The following ADGRL4 variants were observed in gnomAD, a reference collection of about 807,000 sequenced individuals.
ADGRL4 encodes the protein EGF, latrophilin and seven transmembrane domain containing 1.
A neutral mutation model predicts 74.8 loss-of-function variants in ADGRL4; 90 were observed. The observed-to-expected ratio is 1.20, with a 90% CI of 1.02 to 1.43. The LOEUF is 1.43. Among genes scored for constraint, ADGRL4 ranks in the 40% most tolerant of loss-of-function variants. The pLI, the probability that ADGRL4 is intolerant of heterozygous loss-of-function variation, is 0.00. For synonymous variants in ADGRL4, 311 were observed against 279.2 expected (o/e 1.11, Z -1.14); for missense variants, 881 against 814.3 (o/e 1.08, Z -1.00).
chr1:78,968,314 G>A, intron 2 of ADGRL4, among the ~76,000 whole-genome samples: 1 of 152,026 alleles, frequency 6.6e-6, no homozygotes, highest in Admixed American at 6.6e-5. Context: ...AAGGCCAGAG[G>A]GTTTGCATAA....
chr1:78,936,596 T>C (rs1442051982), intron 6 of ADGRL4, among the ~76,000 whole-genome samples, 185 bp from the exon 7 acceptor site: 1 of 152,172 alleles, frequency 6.6e-6, no homozygotes, highest in African/African-American at 2.4e-5. Context: ...GACTCAAGTT[T>C]TAATTTTTTA....
chr1:78,953,904 G>A (rs1018837491), intron 2 of ADGRL4, among the ~76,000 whole-genome samples: 3 of 152,166 alleles, frequency 2.0e-5, no homozygotes, highest in Admixed American at 6.5e-5. Context: ...ATCCCTGCAC[G>A]TTGGGAGGCC....
At chr1:78,976,283 T>G (rs558053570) in intron 2 of ADGRL4, among the ~76,000 whole-genome samples, 17 of 152,130 alleles carry the variant, frequency 1.1e-4, no homozygotes, top group Admixed American at 2.6e-4. Flanking sequence ...GAAAGCATAA[T>G]AGTGAGCAAT....
intron 13 of ADGRL4, among the ~76,000 whole-genome samples, chr1:78,892,039 A>G (rs1360558667): frequency 6.6e-6 from 1 of 152,114 alleles, no homozygotes; most frequent in African/African-American, 2.4e-5. Context: ...TGTTGCAGGA[A>G]TTCCCAAAGG....
At chr1:78,966,380 T>C (rs1276883644) in intron 2 of ADGRL4, among the ~76,000 whole-genome samples, 1 of 152,194 alleles carries the variant, frequency 6.6e-6, no homozygotes, top group Non-Finnish European at 1.5e-5. Flanking sequence ...TAATATCTCA[T>C]GATCATGTGA....
intron 2 of ADGRL4, among the ~76,000 whole-genome samples, chr1:78,968,837 A>G (rs180927493): frequency 2.4e-4 from 37 of 152,336 alleles, no homozygotes; most frequent in African/African-American, 8.7e-4. Context: ...TTTTCAAAAG[A>G]TGGCTTATAA....
chr1:78,903,717 C>T (rs577925632), intron 12 of ADGRL4, among the ~76,000 whole-genome samples: 44 of 151,960 alleles, frequency 2.9e-4, no homozygotes, highest in African/African-American at 9.4e-4. Flanking sequence ...GGGTGGATCA[C>T]GAGGTCAAGA....
intron 2 of ADGRL4, among the ~76,000 whole-genome samples, chr1:78,988,754 A>C (rs1260153799): frequency 6.6e-6 from 1 of 151,822 alleles, no homozygotes; most frequent in Non-Finnish European, 1.5e-5. Flanking sequence ...TCAAAGTTTA[A>C]GAATCTACCT....
At chr1:78,931,703 A>G (rs985519362) in intron 7 of ADGRL4, among the ~76,000 whole-genome samples, 1 of 151,302 alleles carries the variant, frequency 6.6e-6, no homozygotes, top group Non-Finnish European at 1.5e-5. Flanking sequence ...GTGCAAAGAC[A>G]TACATAGGCT....
rs1490356044 is a variant in ADGRL4 at position 78,937,824 on chromosome 1, G to T, written c.743C>A (p.Thr248Lys). ...QSFQKTTEFDTNSTDIALKVF... is the reference protein window; with the variant it reads ...QSFQKTTEFDKNSTDIALKVF... ...TTTCTTACCTATATCCGTTGAATTT[G>T]TATCAAACTCTGTGGTCTTTTGGAA... is the stretch of plus-strand genomic sequence containing the variant. The change falls in exon 6 of 15, where the codon ACA becomes AAA. Residue 248 changes from threonine to lysine, a missense_variant. By Grantham distance (78) the Thr-to-Lys change is moderately conservative. Transcript: ENST00000370742. The T allele has an allele frequency of 1.4e-5, 23 of 1,609,264 alleles. No individual in the cohort carries two copies. Among genetic ancestry groups the T allele is most frequent in the Non-Finnish European group, 2.0e-5 (23 of 1,178,730 alleles).
At chr1:78,939,939 G>A (rs1341725876) in intron 3 of ADGRL4, 1 of 152,454 alleles carries the variant, frequency 6.6e-6, no homozygotes, top group Non-Finnish European at 1.5e-5. Flanking sequence ...GACAATGGCA[G>A]AACAAACTTA....
At chr1:78,946,740 G>A (rs1649609995) in intron 2 of ADGRL4, among the ~76,000 whole-genome samples, 1 of 151,948 alleles carries the variant, frequency 6.6e-6, no homozygotes, top group Non-Finnish European at 1.5e-5. Flanking sequence ...ACAAATATAA[G>A]CTCACTTTGA....
intron 2 of ADGRL4, among the ~76,000 whole-genome samples, chr1:78,960,299 T>C (rs1570255580): frequency 1.3e-5 from 2 of 152,196 alleles, no homozygotes; most frequent in Non-Finnish European, 1.5e-5. Flanking sequence ...CATGGCACTT[T>C]ATGATTTTAT....
intron 12 of ADGRL4, among the ~76,000 whole-genome samples, chr1:78,909,671 G>A (rs1648719660): frequency 6.6e-6 from 1 of 151,810 alleles, no homozygotes; most frequent in South Asian, 2.1e-4. Context: ...ATTGGCAGAA[G>A]TGTCAGAAAG....
intron 2 of ADGRL4, among the ~76,000 whole-genome samples, chr1:78,955,953 C>T (rs1649820503): frequency 6.6e-6 from 1 of 152,064 alleles, no homozygotes; most frequent in South Asian, 2.1e-4. Flanking sequence ...ATACATTGTA[C>T]TTTCTTTACT....
At chr1:78,941,780 G>A (rs1260199512) in intron 3 of ADGRL4, among the ~76,000 whole-genome samples, 1 of 152,114 alleles carries the variant, frequency 6.6e-6, no homozygotes, top group Non-Finnish European at 1.5e-5. Flanking sequence ...GGTTCAAATG[G>A]CTAAAACCTA....
chr1:78,997,484 G>GT (rs1158642371), intron 2 of ADGRL4, among the ~76,000 whole-genome samples: 5 of 151,948 alleles, frequency 3.3e-5, no homozygotes, highest in Non-Finnish European at 7.4e-5. Context: ...TGTGGAAGAG[G>GT]TTGAGCCATG....
intron 12 of ADGRL4, among the ~76,000 whole-genome samples, chr1:78,901,790 C>T (rs1192209235): frequency 2.6e-5 from 4 of 152,268 alleles, no homozygotes; most frequent in African/African-American, 9.6e-5. Flanking sequence ...AAGCGTCTCT[C>T]TGCTAACACC....
rs1648964814 is a variant in ADGRL4, at chr1:78,920,148, A to G, written c.1461+35T>C. On this transcript the variant is annotated intron_variant, in intron 10 of 14. Coordinates refer to ENST00000370742, the MANE Select transcript of ADGRL4 (RefSeq NM_022159.4). ...ATACATTTAAGAAAGTACACATATC[A>G]TAGGACAAAAATAGAGATTAGGATG... 20 of 1,517,864 alleles carry G rather than the reference A, an allele frequency of 1.3e-5. No individual in the cohort carries two copies. In the East Asian group the frequency reaches 3.6e-4, roughly 28 times the overall value. The allele number at this position is 1,517,864 out of a possible 1,614,324, so 94.0% of individuals were successfully genotyped here.
Sources: allele counts gnomAD v4.1 joint callset (sites outside exome capture counted in the v4.1 genomes callset), GRCh38; gene constraint gnomAD v4.1.1; transcripts MANE v1.5; gene names NCBI Gene and HGNC (gene_info 2026-07-23, HGNC 2026-07-21).